PPP2R3B: variants seen among roughly 807,000 people sequenced by gnomAD.
PPP2R3B encodes serine/threonine-protein phosphatase 2A regulatory subunit B'' subunit beta.
PPP2R3B carries 68 observed loss-of-function variants against 72.9 expected under a neutral mutation model. The observed-to-expected ratio is 0.93, with a 90% CI of 0.77 to 1.14. The LOEUF (loss-of-function observed/expected upper bound fraction) is 1.14. Among genes scored for constraint, PPP2R3B ranks in the 50% most tolerant of loss-of-function variants. The pLI, the probability that PPP2R3B is intolerant of heterozygous loss-of-function variation, is 0.00. For missense variants in PPP2R3B, 1,018 were observed against 842.0 expected, an observed-to-expected ratio of 1.21 and a Z score of -2.59; for synonymous variants, 466 against 375.8, an observed-to-expected ratio of 1.24 and a Z score of -2.78.
At chrX:357,146 C>T (rs1346226613) in intron 2 of PPP2R3B, among the ~76,000 whole-genome samples, 2 of 151,978 alleles carry the variant, frequency 1.3e-5, no homozygotes, top group African/African-American at 2.4e-5. Flanking sequence ...AAAGCTACAG[C>T]GACCGGAAGC....
intron 2 of PPP2R3B, among the ~76,000 whole-genome samples, chrX:360,312 T>A (rs930892411): frequency 6.6e-6 from 1 of 152,138 alleles, no homozygotes; most frequent in African/African-American, 2.4e-5. Flanking sequence ...GGCAGGCGGA[T>A]CACTTGAAGT....
At position 386,403 on chromosome X, in the gene PPP2R3B, C is replaced by A. The variant is rs750160496; in HGVS notation, c.289G>T (p.Val97Phe). The change falls in exon 1 of 13, where the codon GTT (valine) becomes TTT (phenylalanine). Residue 97 changes from valine (V) to phenylalanine (F), a missense_variant. Val to Phe is a conservative substitution (Grantham distance 50, BLOSUM62 -1). Transcript: ENST00000390665. ...AASSPRNAPH[V>F]RGTRRSAGTR... ...CCTGCGGATCTACGGGTGCCTCGAA[C>A]GTGGGGCGCGTTCCTGGGGCTGGAG... is the stretch of plus-strand genomic sequence containing the variant. The A allele has an allele frequency of 7.6e-7, 1 of 1,320,316 alleles. No homozygotes were observed. Among genetic ancestry groups the A allele is most frequent in the South Asian group, 3.1e-5 (1 of 32,272 alleles). The allele number at this position is 1,320,316 out of a possible 1,614,324, so 81.8% of individuals were successfully genotyped here. A position where few individuals can be genotyped will look rare whatever the true frequency, so the allele number is the denominator to read the frequency against.
chrX:345,127 A>G (rs1415092255), intron 7 of PPP2R3B: 2 of 494,244 alleles, frequency 4.0e-6, no homozygotes, highest in Non-Finnish European at 7.9e-6. Flanking sequence ...CCGGGATTGG[A>G]TGGAAACTGC....
Position 386,687 on chromosome X carries a change from G to A in PPP2R3B, c.5C>T (p.Pro2Leu). Reference sequence around the variant, plus strand: ...GACCGGCTGCAGCACTTTGCCGGGCGGCATGGCGGGGGCTGGGCCCGCGGC... The same window carrying A: ...GACCGGCTGCAGCACTTTGCCGGGCAGCATGGCGGGGGCTGGGCCCGCGGC... The part of the protein sequence containing the change: M[P>L]PGKVLQPVLK... Residue 2 changes from proline to leucine, a missense_variant, in exon 1 of 13, where the codon CCG becomes CTG. Pro to Leu is a moderately conservative substitution (Grantham distance 98). Transcript: ENST00000390665. The A allele has an allele frequency of 2.3e-6, 3 of 1,299,104 alleles. No homozygotes were observed. Among genetic ancestry groups the A allele is most frequent in the Non-Finnish European group, 1.9e-6 (2 of 1,027,124 alleles). 80.5% of individuals were successfully genotyped at this position (1,299,104 alleles called of 1,614,324 possible). A position where few individuals can be genotyped will look rare whatever the true frequency, so the allele number is the denominator to read the frequency against.
Position 350,281 on chromosome X carries a change from C to T in PPP2R3B, c.511-2588G>A, listed in dbSNP as rs746623170. ...GCCCGAAGGGTGAAAGGCCAAACAG[C>T]GGCCCCTCCTGGAAGGAAACGAGGG... On this transcript the variant is annotated intron_variant, in intron 2 of 12. Coordinates refer to ENST00000390665, the MANE Select transcript of PPP2R3B (RefSeq NM_013239.5). Among the ~76,000 whole-genome samples the T allele has an allele frequency of 1.1e-4, 16 of 152,308 alleles. 1 individual carries two copies. In the South Asian group the frequency reaches 1.9e-3, roughly 18 times the overall value.
chrX:358,742 T>C (rs1161816663), intron 2 of PPP2R3B, among the ~76,000 whole-genome samples: 5 of 148,854 alleles, frequency 3.4e-5, no homozygotes, highest in Middle Eastern at 6.9e-3. Context: ...GAAAATGACA[T>C]GAAACGCGCA....
Position 340,787 on chromosome X carries a change from G to A in PPP2R3B, c.1329C>T (p.Asp443=), listed in dbSNP as rs1232824193. 5.6e-6 allele frequency: 9 copies of A among 1,605,826 alleles called. No individual in the cohort carries two copies. The highest frequency in any genetic ancestry group is 1.8e-4 in the Middle Eastern group (1 of 5,582). The change falls in exon 10 of 13, where the codon GAC becomes GAT. Residue 443 remains aspartate (D), a synonymous_variant. Transcript: ENST00000390665. Reference sequence around the variant, plus strand: ...CACCTTCAGTCCTCGGCTTGACCAGGTCCAGCATCTGGCAGAGGCAGTCCT... The same window carrying A: ...CACCTTCAGTCCTCGGCTTGACCAGATCCAGCATCTGGCAGAGGCAGTCCT... The part of the protein sequence containing the change: ...PFQDCLCQML[D]LVKPRTEGKI...
chrX:361,539 G>C lies in PPP2R3B; in HGVS notation c.376C>G (p.Pro126Ala). 1 of 1,614,018 alleles carries C rather than the reference G, an allele frequency of 6.2e-7. No individual in the cohort carries two copies. The highest frequency in any genetic ancestry group is 2.2e-5 in the East Asian group (1 of 44,882). Residue 126 changes from proline (P) to alanine (A), a missense_variant, in exon 2 of 13, where the codon CCG becomes GCG. Physicochemically the swap from Pro to Ala is conservative, Grantham distance 27. Coordinates refer to ENST00000390665, the MANE Select transcript of PPP2R3B (RefSeq NM_013239.5). ...PLPPATSQSI[P>A]TFYFPRGRPQ... ...CGTCCTCTGGGGAAGTAGAAGGTCG[G>C]AATGCTTTGGCTCGTGGCCGGGGGC...
chrX:342,130 C>T, intron 7 of PPP2R3B, 199 bp from the exon 8 acceptor site: 2 of 650,664 alleles, frequency 3.1e-6, no homozygotes, highest in East Asian at 2.7e-5. Context: ...AGAGCCAAGT[C>T]CAGCATGAAA....
intron 2 of PPP2R3B, 95 bp downstream of exon 2, chrX:361,310 C>G: frequency 6.3e-6 from 9 of 1,418,216 alleles, no homozygotes; most frequent in Non-Finnish European, 8.7e-6. Flanking sequence ...CTCACTCACG[C>G]TCGTGTGACA....
chrX:338,485 A>C (rs2070950670), intron 12 of PPP2R3B, 119 bp downstream of exon 12: 6 of 1,032,856 alleles, frequency 5.8e-6, no homozygotes, highest in African/African-American at 3.3e-5. Context: ...CGCGCACCCC[A>C]CCTGACTGAC....
rs140557541 is a variant in PPP2R3B at position 334,220 on chromosome X, C to A, written c.*147G>T. The A allele has an allele frequency of 2.0e-6, 2 of 997,246 alleles. No homozygotes were observed. The highest frequency in any genetic ancestry group is 4.1e-5 in the Admixed American group (1 of 24,202). 61.8% of individuals were successfully genotyped at this position (997,246 alleles called of 1,614,324 possible). A position where few individuals can be genotyped will look rare whatever the true frequency, so the allele number is the denominator to read the frequency against. On this transcript the variant is annotated 3_prime_UTR_variant, in exon 13 of 13. Transcript: ENST00000390665. ...GGCAGGTCCAGCCACGAACCCACAG[C>A]GGCAATCAACACGCTTCTGTGAATA... is the stretch of plus-strand genomic sequence containing the variant.
At chrX:350,331 A>G (rs1011162731) in intron 2 of PPP2R3B, among the ~76,000 whole-genome samples, 6 of 152,148 alleles carry the variant, frequency 3.9e-5, no homozygotes, top group African/African-American at 1.4e-4. Context: ...TGCCGCGGCC[A>G]AGGTTTCTTT....
chrX:346,153 G>T (rs1430000391), intron 6 of PPP2R3B, 21 bp downstream of exon 6: 12 of 1,528,960 alleles, frequency 7.8e-6, no homozygotes, highest in Non-Finnish European at 9.6e-6. Flanking sequence ...AGGGGGCAGG[G>T]GACAGGGGGC....
intron 3 of PPP2R3B, 69 bp from the exon 4 acceptor site, chrX:347,405 G>A (rs2071244475): frequency 1.4e-6 from 2 of 1,450,354 alleles, no homozygotes; most frequent in Non-Finnish European, 1.9e-6. Flanking sequence ...GACGCAGGGT[G>A]GAACACGTGT....
In PPP2R3B at chrX:334,288, A is replaced by C; in HGVS notation, c.*79T>G. The C allele has an allele frequency of 7.3e-7, 1 of 1,379,210 alleles. No individual in the cohort carries two copies. Among genetic ancestry groups the C allele is most frequent in the Non-Finnish European group, 9.5e-7 (1 of 1,056,078 alleles). The allele number at this position is 1,379,210 out of a possible 1,614,324, so 85.4% of individuals were successfully genotyped here. On this transcript the variant is annotated 3_prime_UTR_variant, in exon 13 of 13. Coordinates refer to ENST00000390665, the MANE Select transcript of PPP2R3B (RefSeq NM_013239.5). ...CCGTACAAACGCACTCATTTTCCAC[A>C]ACAGTTTTTACACGAGCCGCGGTGG...
intron 1 of PPP2R3B, among the ~76,000 whole-genome samples, chrX:364,663 A>C (rs1459941078): frequency 1.2e-4 from 15 of 125,816 alleles, no homozygotes; most frequent in Admixed American, 3.2e-4. Context: ...GGTTGCAGTG[A>C]GCTGAGATCG....
intron 7 of PPP2R3B, chrX:342,273 C>T: frequency 2.2e-6 from 1 of 464,650 alleles, no homozygotes; most frequent in Non-Finnish European, 3.9e-6. Flanking sequence ...ACGTTTCAAC[C>T]AAAGGTTCAC....
intron 1 of PPP2R3B, among the ~76,000 whole-genome samples, chrX:376,527 G>T (rs1428462458): frequency 1.4e-5 from 2 of 144,562 alleles, no homozygotes; most frequent in African/African-American, 5.3e-5. Context: ...ATGCAGGGAC[G>T]GGCCGTCCAC....
Sources: allele counts gnomAD v4.1 joint callset (sites outside exome capture counted in the v4.1 genomes callset), GRCh38; gene constraint gnomAD v4.1.1; transcripts MANE v1.5; gene names NCBI Gene and HGNC (gene_info 2026-07-23, HGNC 2026-07-21).